Variants in KIF6 observed in about 807,000 individuals in gnomAD.
KIF6 encodes the protein kinesin-like protein KIF6.
A neutral mutation model predicts 112.7 loss-of-function variants in KIF6; 106 were observed. That is an observed-to-expected ratio of 0.94 (90% CI 0.80 to 1.11). The LOEUF (loss-of-function observed/expected upper bound fraction) is 1.11, where lower values mean the gene tolerates loss of function less well. Ranked by LOEUF, KIF6 falls within the 50% of genes least tolerant of loss-of-function variation. The pLI, the probability that KIF6 is intolerant of heterozygous loss-of-function variation, is 0.00. For synonymous variants in KIF6, 339 were observed against 339.9 expected, an observed-to-expected ratio of 1.00 and a Z score of 0.03; for missense variants, 929 against 964.0, an observed-to-expected ratio of 0.96 and a Z score of 0.48.
chr6:39,343,967 G>A lies in KIF6; in HGVS notation c.2322-152C>T. On this transcript the variant is annotated intron_variant, in intron 21 of 22. Coordinates refer to ENST00000287152, the MANE Select transcript of KIF6 (RefSeq NM_145027.6). The surrounding 1 kb of genome is among the most constrained non-coding windows in gnomAD (Gnocchi z 4.1). ...CTTCTCACTCCCTCCTACCTTCTCT[G>A]TGTGGCAGCCACACTAAGCCTCTTG... The A allele has an allele frequency of 1.8e-6, 1 of 547,714 alleles. No individual in the cohort carries two copies. The highest frequency in any genetic ancestry group is 3.2e-6 in the Non-Finnish European group (1 of 309,484). 33.9% of individuals were successfully genotyped at this position (547,714 alleles called of 1,614,324 possible).
intron 3 of KIF6, among the ~76,000 whole-genome samples, chr6:39,654,795 G>T (rs76735042): frequency 6.6e-6 from 1 of 151,946 alleles, no homozygotes; most frequent in African/African-American, 2.4e-5. Context: ...GTATTCCTGC[G>T]CAATTTGTTC....
intron 13 of KIF6, among the ~76,000 whole-genome samples, chr6:39,484,307 G>C (rs1252463725): frequency 6.6e-6 from 1 of 152,216 alleles, no homozygotes. Flanking sequence ...ACACAAAGTA[G>C]AGAGGAGGCT....
In KIF6 at chr6:39,597,849, T is replaced by C. The variant is rs1223008040; in HGVS notation, c.640-1589A>G. On this transcript the variant is annotated intron_variant, in intron 6 of 22. Coordinates refer to ENST00000287152, the MANE Select transcript of KIF6 (RefSeq NM_145027.6). The stretch of plus-strand genomic sequence containing the variant: ...CACTAGAAGATATTTGCAATACATA[T>C]GGCTGACAAAACATTAATAATAAAT... Among the ~76,000 whole-genome samples, 5 of 152,064 alleles carry C rather than the reference T, an allele frequency of 3.3e-5. No individual in the cohort carries two copies. In the South Asian group the frequency reaches 8.3e-4, roughly 25 times the overall value.
intron 13 of KIF6, among the ~76,000 whole-genome samples, chr6:39,471,882 T>C (rs997895834): frequency 1.3e-5 from 2 of 152,208 alleles, no homozygotes; most frequent in Admixed American, 1.3e-4. Flanking sequence ...TGTAAATACA[T>C]GTCCCTTACT....
intron 3 of KIF6, among the ~76,000 whole-genome samples, chr6:39,649,779 A>G (rs1004469416): frequency 4.8e-4 from 72 of 150,700 alleles, no homozygotes; most frequent in African/African-American, 1.7e-3. Flanking sequence ...GAAAGAAAAG[A>G]AACTAAACTA....
chr6:39,678,117 A>C (rs1787281878), intron 3 of KIF6, among the ~76,000 whole-genome samples: 1 of 151,940 alleles, frequency 6.6e-6, no homozygotes, highest in Admixed American at 6.6e-5. Context: ...ATCTCACACC[A>C]GTTAGAATGG....
intron 7 of KIF6, among the ~76,000 whole-genome samples, chr6:39,591,273 G>C (rs914339121): frequency 6.6e-6 from 1 of 152,134 alleles, no homozygotes; most frequent in African/African-American, 2.4e-5. Flanking sequence ...TCTAGAAAGG[G>C]CTCTCTAAAG....
chr6:39,664,375 A>G (rs1786330054), intron 3 of KIF6, among the ~76,000 whole-genome samples: 1 of 152,052 alleles, frequency 6.6e-6, no homozygotes, highest in Non-Finnish European at 1.5e-5. Context: ...AAACTATTAA[A>G]CTCATTTTTC....
chr6:39,697,516 G>A (rs1410264170), intron 3 of KIF6, among the ~76,000 whole-genome samples: 1 of 149,274 alleles, frequency 6.7e-6, no homozygotes, highest in Admixed American at 6.8e-5. Context: ...ACTAATATTA[G>A]ACTAACCATT....
At chr6:39,385,852 G>A (rs1296474341) in intron 15 of KIF6, among the ~76,000 whole-genome samples, 180 bp from the exon 16 acceptor site, 1 of 152,094 alleles carries the variant, frequency 6.6e-6, no homozygotes, top group African/African-American at 2.4e-5. Flanking sequence ...GGAAGAAGAG[G>A]TTGCAAAGGC....
intron 13 of KIF6, among the ~76,000 whole-genome samples, chr6:39,490,536 A>C (rs1223317698): frequency 3.9e-5 from 6 of 152,192 alleles, no homozygotes; most frequent in Non-Finnish European, 8.8e-5. Flanking sequence ...TTTGTCGCCT[A>C]TAAAATAAAA....
At chr6:39,724,177 G>A (rs1790394815) in intron 1 of KIF6, among the ~76,000 whole-genome samples, 1 of 152,182 alleles carries the variant, frequency 6.6e-6, no homozygotes, top group African/African-American at 2.4e-5. Flanking sequence ...AGTGCTGGGC[G>A]CGGTGGCTCA....
intron 13 of KIF6, among the ~76,000 whole-genome samples, chr6:39,529,976 C>T (rs554843295): frequency 1.3e-5 from 2 of 152,210 alleles, no homozygotes; most frequent in Non-Finnish European, 2.9e-5. Flanking sequence ...TCCTCTCCTT[C>T]TCCTTTGAAT....
intron 16 of KIF6, among the ~76,000 whole-genome samples, chr6:39,366,105 G>A (rs1765537250): frequency 6.6e-6 from 1 of 152,186 alleles, no homozygotes; most frequent in South Asian, 2.1e-4. Flanking sequence ...TGGGGTGCTC[G>A]GGAGCCTTAG....
intron 10 of KIF6, chr6:39,555,046 G>A (rs1008762018): frequency 6.5e-6 from 1 of 153,346 alleles, no homozygotes; most frequent in African/African-American, 2.4e-5. Flanking sequence ...GAGAGCCACA[G>A]GCTCTGGACT....
At chr6:39,603,516 A>T (rs1582248305) in intron 6 of KIF6, among the ~76,000 whole-genome samples, 1 of 151,792 alleles carries the variant, frequency 6.6e-6, no homozygotes, top group Admixed American at 6.6e-5. Context: ...ATTTGAAAAT[A>T]AATGGTGATG....
intron 18 of KIF6, among the ~76,000 whole-genome samples, chr6:39,359,726 T>C (rs1256559236): frequency 1.3e-5 from 2 of 152,114 alleles, no homozygotes; most frequent in African/African-American, 4.8e-5. Context: ...GCTGAGACTA[T>C]AGGCACATAC....
intron 15 of KIF6, among the ~76,000 whole-genome samples, chr6:39,410,085 G>T (rs1203796588): frequency 6.6e-6 from 1 of 152,198 alleles, no homozygotes; most frequent in African/African-American, 2.4e-5. Flanking sequence ...GTGCCGAGAG[G>T]GCCTCAGCCT....
chr6:39,611,983 C>T (rs547349450), intron 6 of KIF6, among the ~76,000 whole-genome samples: 3 of 152,148 alleles, frequency 2.0e-5, no homozygotes, highest in East Asian at 1.9e-4. Flanking sequence ...AAAATTTAAG[C>T]GACCTTAAAT....
Sources: gnomAD v4.1 joint callset for allele counts (sites outside exome capture counted in the v4.1 genomes callset) on GRCh38, gnomAD v4.1.1 for gene constraint, Gnocchi (gnomAD v3.1) non-coding constraint, MANE v1.5 for transcripts, NCBI Gene and HGNC (gene_info 2026-07-23, HGNC 2026-07-21) for gene names.